The following PRRG1 variants were observed in gnomAD, a reference collection of about 807,000 sequenced individuals.
The protein encoded by PRRG1 is proline rich and Gla domain 1.
Under a neutral mutation model 11.8 loss-of-function variants are expected in PRRG1, and 5 were observed. The ratio of observed to expected loss-of-function variants is 0.42; its 90% CI spans 0.22 to 0.89. The LOEUF (loss-of-function observed/expected upper bound fraction) is 0.89, where lower values mean the gene tolerates loss of function less well. Ranked by LOEUF, PRRG1 falls within the 40% of genes least tolerant of loss-of-function variation. The pLI, the probability that PRRG1 is intolerant of heterozygous loss-of-function variation, is 0.28. For missense variants in PRRG1, 155 were observed against 166.1 expected (o/e 0.93, Z 0.37); for synonymous variants, 66 against 60.4 (o/e 1.09, Z -0.43).
intron 3 of PRRG1, among the ~76,000 whole-genome samples, chrX:37,437,943 T>C (rs1464271709): frequency 9.0e-6 from 1 of 111,231 alleles, no homozygotes; most frequent in Non-Finnish European, 1.9e-5. Context: ...ACCATTTTTT[T>C]TTTCTTTTTT....
At chrX:37,354,885 C>T (rs1482370631) in intron 1 of PRRG1, among the ~76,000 whole-genome samples, 1 of 110,495 alleles carries the variant, frequency 9.1e-6, no homozygotes, top group Non-Finnish European at 1.9e-5. Context: ...GAGAACATAT[C>T]ACAGGTATTT....
At chrX:37,402,116 A>AAC (rs1932014038) in intron 1 of PRRG1, among the ~76,000 whole-genome samples, 1 of 111,810 alleles carries the variant, frequency 8.9e-6, no homozygotes, top group African/African-American at 3.3e-5. Context: ...GACTTTCTTC[A>AAC]CAGAATTGGA....
intron 1 of PRRG1, among the ~76,000 whole-genome samples, chrX:37,388,382 G>T (rs1295503961): frequency 4.4e-5 from 5 of 112,920 alleles, no homozygotes; most frequent in East Asian, 2.8e-4. Context: ...CCCCATGTGG[G>T]CTCTGCCCCT....
In PRRG1 at chrX:37,454,543, A is replaced by G. The variant is rs1921278929; in HGVS notation, c.*922A>G. 1 of 112,438 alleles carries G rather than the reference A, an allele frequency of 8.9e-6. No homozygotes were observed. The highest frequency in any genetic ancestry group is 1.9e-5 in the Non-Finnish European group (1 of 53,328). 9.3% of individuals were successfully genotyped at this position (112,438 alleles called of 1,213,427 possible). On this transcript the variant is annotated 3_prime_UTR_variant, in exon 4 of 4. Coordinates refer to ENST00000378628, the MANE Select transcript of PRRG1 (RefSeq NM_001142395.2). ...GTTCTACACTCTGTCCTACTCCCAC[A>G]GAATTTTCAAGCCCTTAAGAGTTTA...
At chrX:37,435,596 A>G (rs1569448548) in intron 3 of PRRG1, among the ~76,000 whole-genome samples, 1 of 111,022 alleles carries the variant, frequency 9.0e-6, no homozygotes, top group Admixed American at 9.6e-5. Flanking sequence ...ATATACTGAG[A>G]ACAGACATCA....
intron 2 of PRRG1, among the ~76,000 whole-genome samples, chrX:37,410,636 T>A (rs1556383526): frequency 1.8e-5 from 2 of 112,135 alleles, no homozygotes; most frequent in Non-Finnish European, 3.8e-5. Context: ...CCTCAAATAT[T>A]AAAATCCTCT....
intron 2 of PRRG1, among the ~76,000 whole-genome samples, chrX:37,408,458 A>G (rs1269687766): frequency 9.0e-6 from 1 of 111,320 alleles, no homozygotes; most frequent in African/African-American, 3.3e-5. Flanking sequence ...TAATGTGCAA[A>G]TGTATCCCCA....
chrX:37,396,446 G>A (rs913680239), intron 1 of PRRG1, among the ~76,000 whole-genome samples: 5 of 111,457 alleles, frequency 4.5e-5, no homozygotes, highest in African/African-American at 9.8e-5. Flanking sequence ...GGTCTTTCTC[G>A]TGCTGTTCTT....
At chrX:37,409,036 A>G (rs1602012370) in intron 2 of PRRG1, among the ~76,000 whole-genome samples, 1 of 111,680 alleles carries the variant, frequency 9.0e-6, no homozygotes, top group Non-Finnish European at 1.9e-5. Flanking sequence ...ACTCTGTTGC[A>G]TAATCAAAAA....
At chrX:37,375,745 G>T (rs782090860) in intron 1 of PRRG1, among the ~76,000 whole-genome samples, 1 of 110,869 alleles carries the variant, frequency 9.0e-6, no homozygotes, top group South Asian at 3.8e-4. Flanking sequence ...TCATAAAATG[G>T]CTTTTTTTTA....
chrX:37,387,230 G>A (rs185616441), intron 1 of PRRG1, among the ~76,000 whole-genome samples: 2 of 112,112 alleles, frequency 1.8e-5, no homozygotes, highest in Admixed American at 9.4e-5. Context: ...CACTTTGATG[G>A]TAATGATTAC....
At chrX:37,443,336 A>G (rs1248887276) in intron 3 of PRRG1, among the ~76,000 whole-genome samples, 1 of 111,763 alleles carries the variant, frequency 8.9e-6, no homozygotes, top group African/African-American at 3.3e-5. Flanking sequence ...TGGGGAATAC[A>G]TGTCATGTGA....
At chrX:37,397,022 C>T (rs781882410) in intron 1 of PRRG1, among the ~76,000 whole-genome samples, 17 of 112,164 alleles carry the variant, frequency 1.5e-4, no homozygotes, top group Admixed American at 2.8e-4. Flanking sequence ...AATAAAATAG[C>T]GTGTGGCAAA....
At chrX:37,447,931 T>C (rs1933106206) in intron 3 of PRRG1, among the ~76,000 whole-genome samples, 1 of 112,176 alleles carries the variant, frequency 8.9e-6, no homozygotes, top group Admixed American at 9.4e-5. Context: ...TACGTTTCTC[T>C]CCTTAATGAT....
chrX:37,363,260 A>G (rs1310537827), intron 1 of PRRG1, among the ~76,000 whole-genome samples: 2 of 111,543 alleles, frequency 1.8e-5, no homozygotes, highest in East Asian at 2.8e-4. Flanking sequence ...TTTTTTTAGG[A>G]GACCCGTTGC....
At chrX:37,363,222 G>A (rs1208729990) in intron 1 of PRRG1, among the ~76,000 whole-genome samples, 1 of 111,882 alleles carries the variant, frequency 8.9e-6, no homozygotes, top group East Asian at 2.8e-4. Context: ...ATCAAATCAG[G>A]TTTCTCTGAC....
intron 3 of PRRG1, chrX:37,441,623 T>G: frequency 1.3e-6 from 1 of 799,336 alleles, no homozygotes; most frequent in Non-Finnish European, 1.5e-6. Context: ...GCTTCCTACG[T>G]GTACCTGTCC....
intron 1 of PRRG1, among the ~76,000 whole-genome samples, chrX:37,361,169 C>T (rs1930398988): frequency 9.0e-6 from 1 of 111,142 alleles, no homozygotes; most frequent in African/African-American, 3.3e-5. Context: ...GGTGAAACTG[C>T]ATCTCTACTA....
At chrX:37,428,687 C>T (rs1932797601) in intron 3 of PRRG1, among the ~76,000 whole-genome samples, 1 of 111,919 alleles carries the variant, frequency 8.9e-6, no homozygotes, top group South Asian at 3.8e-4. Context: ...AGTGGATCTA[C>T]CATTCTGGGA....
Sources: gnomAD v4.1 joint callset for allele counts (sites outside exome capture counted in the v4.1 genomes callset) on GRCh38, gnomAD v4.1.1 for gene constraint, MANE v1.5 for transcripts, NCBI Gene and HGNC (gene_info 2026-07-23, HGNC 2026-07-21) for gene names.